The following HIVEP2 variants were observed in gnomAD, a reference collection of about 807,000 sequenced individuals.
HIVEP2 encodes HIVEP zinc finger 2, also known as transcription factor HIVEP2.
HIVEP2 carries 14 observed loss-of-function variants against 180.7 expected under a neutral mutation model. That is an observed-to-expected ratio of 0.08 (90% CI 0.05 to 0.12). HIVEP2 has a LOEUF of 0.12. Among genes scored for constraint, HIVEP2 ranks in the 10% least tolerant of loss-of-function variants. The probability of loss-of-function intolerance (pLI) is 1.00; values close to 1 mark genes in which losing one functional copy is unlikely to be tolerated. For synonymous variants in HIVEP2, 1,184 were observed against 1,136.4 expected (o/e 1.04, Z -0.84); for missense variants, 2,579 against 3,008.5 (o/e 0.86, Z 3.34).
intron 1 of HIVEP2, among the ~76,000 whole-genome samples, chr6:142,868,874 A>G (rs1442699083): frequency 2.6e-5 from 4 of 152,190 alleles, no homozygotes; most frequent in East Asian, 1.9e-4. Flanking sequence ...TTCATAATTG[A>G]TAAGTATTGC....
At chr6:142,926,770 C>T (rs1333577291) in intron 1 of HIVEP2, among the ~76,000 whole-genome samples, 5 of 152,164 alleles carry the variant, frequency 3.3e-5, no homozygotes, top group Non-Finnish European at 7.4e-5. Context: ...GCGCGTTCTC[C>T]CTCCCGGACC....
chr6:142,838,545 A>T (rs1775281763), intron 1 of HIVEP2, among the ~76,000 whole-genome samples: 1 of 152,154 alleles, frequency 6.6e-6, no homozygotes, highest in African/African-American at 2.4e-5. Flanking sequence ...CTAACATTTT[A>T]TGCAAAAGTT....
chr6:142,794,753 G>A (rs1190259332), intron 2 of HIVEP2, among the ~76,000 whole-genome samples: 4 of 152,210 alleles, frequency 2.6e-5, no homozygotes, highest in Non-Finnish European at 5.9e-5. Flanking sequence ...ACTGAAGCGG[G>A]TGGATGAAGG....
intron 1 of HIVEP2, among the ~76,000 whole-genome samples, chr6:142,889,978 C>G (rs1229750076): frequency 6.6e-6 from 1 of 152,162 alleles, no homozygotes; most frequent in Non-Finnish European, 1.5e-5. Flanking sequence ...CTGGACAGCA[C>G]AGACCAAATT....
intron 1 of HIVEP2, among the ~76,000 whole-genome samples, chr6:142,920,923 T>C (rs1777668385): frequency 6.6e-6 from 1 of 152,028 alleles, no homozygotes; most frequent in Non-Finnish European, 1.5e-5. Flanking sequence ...GTAGAGGCTG[T>C]AGTGAGCTAT....
rs778433369 is a variant in HIVEP2 at position 142,866,895 on chromosome 6, C to CA, written c.-640-29849_-640-29848insT. On this transcript the variant is annotated intron_variant, in intron 1 of 9. Coordinates refer to ENST00000367603, the MANE Select transcript of HIVEP2 (RefSeq NM_006734.4). ...TGCCATTAACTATCTTTATAAAAAG[C>CA]GAAAAAGAAAATAAAAATTAAGCTA... Among the ~76,000 whole-genome samples the CA allele has an allele frequency of 9.7e-3, 1,478 of 152,088 alleles. 17 individuals are homozygous for CA. The highest frequency in any genetic ancestry group is 0.012 in the Non-Finnish European group (816 of 67,984).
At chr6:142,944,375 C>T (rs1387464320) in intron 1 of HIVEP2, among the ~76,000 whole-genome samples, 1 of 96,394 alleles carries the variant, frequency 1.0e-5, no homozygotes, top group Admixed American at 1.0e-4. Context: ...CCCCCCCCCA[C>T]CAAATACGAC....
intron 2 of HIVEP2, among the ~76,000 whole-genome samples, chr6:142,823,699 T>C (rs542646207): frequency 6.6e-6 from 1 of 152,306 alleles, no homozygotes; most frequent in East Asian, 1.9e-4. Flanking sequence ...TTGAAGAGTG[T>C]TTCGCAATTA....
intron 2 of HIVEP2, among the ~76,000 whole-genome samples, chr6:142,833,453 A>G (rs971218694): frequency 2.0e-5 from 3 of 152,204 alleles, no homozygotes; most frequent in African/African-American, 7.2e-5. Flanking sequence ...GACAGGAAGG[A>G]TAGACAGAAG....
In HIVEP2 at chr6:142,933,067, C is replaced by T. The variant is rs978466755; in HGVS notation, c.-641+12032G>A. On this transcript the variant is annotated intron_variant, in intron 1 of 9. Transcript: ENST00000367603. ...GAAGTAAAATTTCTCACAAAAAGCTCAACTGGGACCGATGATGCAGCCTGC... is the reference window on the plus strand; with the variant it reads ...GAAGTAAAATTTCTCACAAAAAGCTTAACTGGGACCGATGATGCAGCCTGC... Among the ~76,000 whole-genome samples, 3 of 152,168 alleles carry T rather than the reference C, an allele frequency of 2.0e-5. No individual in the cohort carries two copies. In the South Asian group the frequency reaches 6.2e-4, roughly 31 times the overall value.
chr6:142,897,682 C>T (rs935556333), intron 1 of HIVEP2, among the ~76,000 whole-genome samples: 1 of 152,146 alleles, frequency 6.6e-6, no homozygotes, highest in Non-Finnish European at 1.5e-5. Flanking sequence ...ACAGCAGTTA[C>T]CCTTGGGTTC....
intron 2 of HIVEP2, among the ~76,000 whole-genome samples, chr6:142,809,970 T>G (rs1472829258): frequency 1.3e-5 from 2 of 152,202 alleles, no homozygotes; most frequent in Non-Finnish European, 2.9e-5. Flanking sequence ...CTAAATCTCT[T>G]AGGGTCATAG....
At chr6:142,780,786 G>A (rs901529768) in intron 3 of HIVEP2, among the ~76,000 whole-genome samples, 3 of 152,070 alleles carry the variant, frequency 2.0e-5, no homozygotes, top group African/African-American at 4.8e-5. Context: ...GTTATACTGA[G>A]GAAAATAAAT....
At chr6:142,792,491 A>G (rs972371959) in intron 2 of HIVEP2, among the ~76,000 whole-genome samples, 2 of 152,144 alleles carry the variant, frequency 1.3e-5, no homozygotes, top group East Asian at 3.9e-4. Context: ...GTTCTCACTC[A>G]TAAGTGGGAG....
intron 7 of HIVEP2, among the ~76,000 whole-genome samples, chr6:142,762,880 C>T (rs1416254904): frequency 6.6e-6 from 1 of 152,134 alleles, no homozygotes; most frequent in Non-Finnish European, 1.5e-5. Context: ...CCCCACTCCT[C>T]CTATTTATCA....
At chr6:142,917,150 C>CTCTTAT (rs1460448471) in intron 1 of HIVEP2, among the ~76,000 whole-genome samples, 3 of 152,188 alleles carry the variant, frequency 2.0e-5, no homozygotes, top group Non-Finnish European at 4.4e-5. Flanking sequence ...TTCTTTGCTA[C>CTCTTAT]TCTTATTCCA....
chr6:142,879,509 C>T (rs891798658), intron 1 of HIVEP2, among the ~76,000 whole-genome samples: 1 of 152,118 alleles, frequency 6.6e-6, no homozygotes, highest in Non-Finnish European at 1.5e-5. Context: ...CAAATTCAAC[C>T]CCATTATCCT....
At chr6:142,863,785 T>C (rs1776066075) in intron 1 of HIVEP2, among the ~76,000 whole-genome samples, 1 of 152,200 alleles carries the variant, frequency 6.6e-6, no homozygotes, top group Admixed American at 6.5e-5. Flanking sequence ...GGACAGAGAT[T>C]AGGATCCCCC....
intron 2 of HIVEP2, among the ~76,000 whole-genome samples, chr6:142,793,789 T>C (rs371703544): frequency 2.0e-5 from 3 of 151,386 alleles, no homozygotes; most frequent in African/African-American, 7.3e-5. Context: ...GCCTCAGCCT[T>C]TCAAGTAGCT....
Sources: allele counts gnomAD v4.1 joint callset (sites outside exome capture counted in the v4.1 genomes callset), GRCh38; gene constraint gnomAD v4.1.1; transcripts MANE v1.5; gene names NCBI Gene and HGNC (gene_info 2026-07-23, HGNC 2026-07-21).